Variants in GOLGA3 observed in about 807,000 individuals in gnomAD.
GOLGA3 encodes golgin subfamily A member 3.
In GOLGA3, 75 loss-of-function variants were observed where a neutral mutation model predicts 169.4. The observed-to-expected ratio is 0.44, with a 90% CI of 0.37 to 0.54. The LOEUF is 0.54. Among genes scored for constraint, GOLGA3 ranks in the 20% least tolerant of loss-of-function variants. The probability of loss-of-function intolerance (pLI) is 0.00; values close to 1 mark genes in which losing one functional copy is unlikely to be tolerated. For missense variants in GOLGA3, 1,899 were observed against 1,930.0 expected (o/e 0.98, Z 0.30); for synonymous variants, 824 against 822.4 (o/e 1.00, Z -0.03).
At chr12:132,788,182 A>G (rs1398020115) in intron 13 of GOLGA3, among the ~76,000 whole-genome samples, 1 of 151,930 alleles carries the variant, frequency 6.6e-6, no homozygotes, top group Non-Finnish European at 1.5e-5. Flanking sequence ...CTCACTTTCC[A>G]ACAATGATGG....
intron 11 of GOLGA3, among the ~76,000 whole-genome samples, chr12:132,793,777 T>C (rs1471622878): frequency 6.6e-6 from 1 of 151,820 alleles, no homozygotes; most frequent in African/African-American, 2.4e-5. Context: ...GCACAGGACC[T>C]GCACTTGGAG....
At chr12:132,778,571 A>G (rs962326349) in intron 18 of GOLGA3, among the ~76,000 whole-genome samples, 1 of 152,044 alleles carries the variant, frequency 6.6e-6, no homozygotes, top group Non-Finnish European at 1.5e-5. Flanking sequence ...ACTCCATCTC[A>G]AAATCTCAAA....
Position 132,807,955 on chromosome 12 carries a change from G to C in GOLGA3, c.1114C>G (p.His372Asp), listed in dbSNP as rs758122343. The C allele has an allele frequency of 5.0e-6, 8 of 1,613,266 alleles. No homozygotes were observed. In the African/African-American group the frequency reaches 8.0e-5, roughly 16 times the overall value. ...TTGACCTCCTGCCCCTGGTCTTGGT[G>C]CTCAGCGGCTGCGGCCTGGAGGACG... ...KDVLQAAAAE[H>D]QDQGQEVNGE... Residue 372 changes from histidine to aspartate, a missense_variant, in exon 5 of 24, where the codon CAC becomes GAC. Coordinates refer to ENST00000450791, the MANE Select transcript of GOLGA3 (RefSeq NM_001389683.1).
At chr12:132,798,165 T>A (rs900407042) in intron 9 of GOLGA3, among the ~76,000 whole-genome samples, 175 bp downstream of exon 9, 1 of 5,996 alleles carries the variant, frequency 1.7e-4, no homozygotes, top group South Asian at 4.2e-3. Flanking sequence ...CCCCCACAGG[T>A]GAGGGATGAG....
intron 4 of GOLGA3, among the ~76,000 whole-genome samples, chr12:132,811,045 G>A (rs895393515): frequency 3.7e-4 from 56 of 152,134 alleles, no homozygotes; most frequent in African/African-American, 1.3e-3. Context: ...GGCAGGGGAG[G>A]GCCCCCTGTC....
In GOLGA3 at chr12:132,812,229, A is replaced by AT. The variant is rs1156328379; in HGVS notation, c.519+1077dup. Among the ~76,000 whole-genome samples the AT allele has an allele frequency of 4.5e-3, 652 of 143,896 alleles. 8 individuals are homozygous for AT. Among genetic ancestry groups the AT allele is most frequent in the Admixed American group, 7.8e-3 (107 of 13,692 alleles). The allele number at this position is 143,896 out of a possible 152,430, so 94.4% of individuals were successfully genotyped here. A position where few individuals can be genotyped will look rare whatever the true frequency, so the allele number is the denominator to read the frequency against. On this transcript the variant is annotated intron_variant, in intron 4 of 23. Coordinates refer to ENST00000450791, the MANE Select transcript of GOLGA3 (RefSeq NM_001389683.1). Reference sequence around the variant, plus strand: ...CACACACACATATATATATATATATATTTTTTTTAACTGCTCATTGACAAT... The same window carrying AT: ...CACACACACATATATATATATATATATTTTTTTTTAACTGCTCATTGACAAT...
rs555773700 is a variant in GOLGA3 at position 132,789,164 on chromosome 12, C to A, written c.2674G>T (p.Gly892Trp). ...ELRQELMQVH[G>W]EKRTAEAELS... ...TCCGCCTCGGCAGTCCGCTTCTCCCCGTGCACTTGCATCAGCTCCTGCCGC... is the reference window on the plus strand; with the variant it reads ...TCCGCCTCGGCAGTCCGCTTCTCCCAGTGCACTTGCATCAGCTCCTGCCGC... Residue 892 changes from glycine (G) to tryptophan (W), a missense_variant, in exon 13 of 24, where the codon GGG becomes TGG. Physicochemically the swap from Gly to Trp is radical, Grantham distance 184 (BLOSUM62 -2). Transcript: ENST00000450791. The A allele has an allele frequency of 1.2e-6, 2 of 1,612,394 alleles. No homozygotes were observed. Among genetic ancestry groups the A allele is most frequent in the African/African-American group, 1.3e-5 (1 of 75,066 alleles).
chr12:132,808,540 G>A lies in GOLGA3; in HGVS notation c.529C>T (p.Pro177Ser), dbSNP rs763895936. 8 of 1,588,992 alleles carry A rather than the reference G, an allele frequency of 5.0e-6. No individual in the cohort carries two copies. The highest frequency in any genetic ancestry group is 2.7e-5 in the African/African-American group (2 of 73,734). The change falls in exon 5 of 24, where the codon CCT (proline) becomes TCT (serine). Residue 177 changes from proline (P) to serine (S), a missense_variant. Transcript: ENST00000450791. ...VKRQQERSSQPATKTRLFSTL... is the reference protein window; with the variant it reads ...VKRQQERSSQSATKTRLFSTL... Reference sequence around the variant, plus strand: ...CTAAAAAGTCTCGTTTTGGTTGCAGGTTGACTGGACTGAGAAGAAAACAAA... The same window carrying A: ...CTAAAAAGTCTCGTTTTGGTTGCAGATTGACTGGACTGAGAAGAAAACAAA...
intron 3 of GOLGA3, among the ~76,000 whole-genome samples, chr12:132,814,697 C>T (rs959005597): frequency 9.2e-5 from 14 of 152,236 alleles, no homozygotes; most frequent in Admixed American, 2.0e-4. Flanking sequence ...GCACAGGCTC[C>T]GCCCTCCAGG....
intron 22 of GOLGA3, chr12:132,774,738 C>T (rs539317889): frequency 8.0e-5 from 34 of 422,476 alleles, no homozygotes; most frequent in African/African-American, 1.2e-4. Context: ...CGACGCTAAA[C>T]GGCCTCTCAA....
Position 132,777,873 on chromosome 12 carries a change from CA to C in GOLGA3, c.3583-69del. The C allele has an allele frequency of 6.4e-7, 1 of 1,563,772 alleles. No individual in the cohort carries two copies. Among genetic ancestry groups the C allele is most frequent in the Non-Finnish European group, 8.7e-7 (1 of 1,149,130 alleles). On this transcript the variant is annotated intron_variant, in intron 18 of 23. Transcript: ENST00000450791. The surrounding 1 kb of genome is among the most constrained non-coding windows in gnomAD (Gnocchi z 4.7). ...CCACAGCTTTATGACGTGCCGGGCGCAGGGGGTGAATGCACTCCCGGCCCCG... is the reference window on the plus strand; with the variant it reads ...CCACAGCTTTATGACGTGCCGGGCGCGGGGGTGAATGCACTCCCGGCCCCG...
intron 4 of GOLGA3, among the ~76,000 whole-genome samples, chr12:132,810,352 G>A (rs558463481): frequency 8.2e-4 from 125 of 152,212 alleles, no homozygotes; most frequent in Non-Finnish European, 1.3e-3. Flanking sequence ...TGCACGTGTG[G>A]GCGGCAAGCC....
In GOLGA3 at chr12:132,826,093, C is replaced by A. The variant is rs140554781; in HGVS notation, c.-184+2710G>T. 99 of 1,479,142 alleles carry A rather than the reference C, an allele frequency of 6.7e-5. No homozygotes were observed. In the Middle Eastern group the frequency reaches 1.3e-3, roughly 19 times the overall value. The allele number at this position is 1,479,142 out of a possible 1,614,324, so 91.6% of individuals were successfully genotyped here. ...GTGACATCGTCACAGTGGGCGAGTG[C>A]CGGCCTTGCCGGCCTCTGAGCAAGA... On this transcript the variant is annotated intron_variant, in intron 1 of 23. Coordinates refer to ENST00000450791, the MANE Select transcript of GOLGA3 (RefSeq NM_001389683.1).
intron 23 of GOLGA3, 61 bp downstream of exon 23, chr12:132,774,096 C>G (rs2045073716): frequency 6.9e-7 from 1 of 1,441,726 alleles, no homozygotes; most frequent in Non-Finnish European, 9.4e-7. Flanking sequence ...GAGTGCCCTC[C>G]CAGGTAAGAG....
Position 132,772,008 on chromosome 12 carries a change from G to C in GOLGA3, c.*1097C>G, listed in dbSNP as rs1037577946. The C allele has an allele frequency of 4.6e-5, 7 of 152,416 alleles. No homozygotes were observed. Among genetic ancestry groups the C allele is most frequent in the African/African-American group, 1.7e-4 (7 of 41,588 alleles). The allele number at this position is 152,416 out of a possible 1,614,324, so 9.4% of individuals were successfully genotyped here. On this transcript the variant is annotated 3_prime_UTR_variant, in exon 24 of 24. Coordinates refer to ENST00000450791, the MANE Select transcript of GOLGA3 (RefSeq NM_001389683.1). ...GCCACGGTGGAATCACACAGGGCCAGTGGCCTGAGAGGAAGAGACCAGCAG... is the reference window on the plus strand; with the variant it reads ...GCCACGGTGGAATCACACAGGGCCACTGGCCTGAGAGGAAGAGACCAGCAG...
chr12:132,786,213 TAG>T (rs1470598769), intron 15 of GOLGA3, 124 bp downstream of exon 15: 3 of 642,902 alleles, frequency 4.7e-6, no homozygotes, highest in Admixed American at 6.2e-5. Flanking sequence ...AGCGGGAGTT[TAG>T]AGAGTTGCCA....
At chr12:132,825,586 T>C (rs1333789532) in intron 1 of GOLGA3, 14 of 625,942 alleles carry the variant, frequency 2.2e-5, no homozygotes, top group African/African-American at 5.5e-5. Flanking sequence ...CACTGCCTTT[T>C]AAAATACAGC....
upstream of GOLGA3, chr12:132,828,898 G>T (rs1488310818): frequency 6.6e-6 from 1 of 152,282 alleles, no homozygotes. Flanking sequence ...ATCGGCCTCG[G>T]GTCCCCGGAA....
Position 132,816,921 on chromosome 12 carries a change from G to C in GOLGA3, c.134-109C>G, listed in dbSNP as rs1318714588. On this transcript the variant is annotated intron_variant, in intron 2 of 23. Coordinates refer to ENST00000450791, the MANE Select transcript of GOLGA3 (RefSeq NM_001389683.1). ...GAAGAGGATCCAGACTCATGAGCACGGCACTTTCTCATCCCACAAAGGCTT... is the reference window on the plus strand; with the variant it reads ...GAAGAGGATCCAGACTCATGAGCACCGCACTTTCTCATCCCACAAAGGCTT... The C allele has an allele frequency of 1.1e-5, 11 of 999,934 alleles. No homozygotes were observed. In the Admixed American group the frequency reaches 1.7e-4, roughly 16 times the overall value. The allele number at this position is 999,934 out of a possible 1,614,324, so 61.9% of individuals were successfully genotyped here. A position where few individuals can be genotyped will look rare whatever the true frequency, so the allele number is the denominator to read the frequency against.
Sources: gnomAD v4.1 joint callset for allele counts (sites outside exome capture counted in the v4.1 genomes callset) on GRCh38, gnomAD v4.1.1 for gene constraint, Gnocchi (gnomAD v3.1) non-coding constraint, MANE v1.5 for transcripts, NCBI Gene and HGNC (gene_info 2026-07-23, HGNC 2026-07-21) for gene names.